Variants in VWA5A observed in about 807,000 individuals in gnomAD.
The protein encoded by VWA5A is von Willebrand factor A domain-containing protein 5A.
VWA5A carries 77 observed loss-of-function variants against 84.6 expected under a neutral mutation model. That is an observed-to-expected ratio of 0.91 (90% CI 0.76 to 1.10). The LOEUF is 1.10. Ranked by LOEUF, VWA5A falls within the 50% of genes least tolerant of loss-of-function variation. VWA5A has a pLI of 0.00. For missense variants in VWA5A, 973 were observed against 963.0 expected, an observed-to-expected ratio of 1.01 and a Z score of -0.14; for synonymous variants, 334 against 350.1, an observed-to-expected ratio of 0.95 and a Z score of 0.51.
intron 10 of VWA5A, 144 bp from the exon 11 acceptor site, chr11:124,124,093 C>T (rs1233678423): frequency 8.9e-6 from 8 of 895,546 alleles, no homozygotes; most frequent in African/African-American, 1.7e-5. Flanking sequence ...GTGGTGCCAG[C>T]GACTGAAACA....
intron 10 of VWA5A, 120 bp downstream of exon 10, chr11:124,123,924 ATAGTAAACAG>A (rs1428485727): frequency 1.5e-6 from 2 of 1,338,706 alleles, no homozygotes; most frequent in Non-Finnish European, 2.0e-6. Flanking sequence ...CTTCTATCAT[ATAGTAAACAG>A]AAAAAAAAAA....
At chr11:124,137,299 T>C (rs1307684478) in intron 15 of VWA5A, 31 bp downstream of exon 15, 3 of 1,600,646 alleles carry the variant, frequency 1.9e-6, no homozygotes, top group Non-Finnish European at 8.5e-7. Flanking sequence ...CAAACTCATA[T>C]AGAATAAAAG....
Position 124,136,147 on chromosome 11 carries a change from C to T in VWA5A, c.1378C>T (p.Arg460Cys), listed in dbSNP as rs1865178478. ...ACATTAGGCTCTCAGGACTCTGAAA[C>T]GCTCTCTGCAGCCTGTGGTAGAGGA... ...MQSKALRTLKRSLQPVVEDVS... is the reference protein window; with the variant it reads ...MQSKALRTLKCSLQPVVEDVS... The change falls in exon 13 of 19, where the codon CGC becomes TGC. Residue 460 changes from arginine to cysteine, a missense_variant. By Grantham distance (180) the Arg-to-Cys change is radical. Coordinates refer to ENST00000456829, the MANE Select transcript of VWA5A (RefSeq NM_001130142.2). The T allele has an allele frequency of 1.9e-6, 3 of 1,614,110 alleles. No homozygotes were observed. Among genetic ancestry groups the T allele is most frequent in the East Asian group, 2.2e-5 (1 of 44,880 alleles).
At chr11:124,126,777 A>G (rs1268520910) in intron 11 of VWA5A, among the ~76,000 whole-genome samples, 1 of 152,024 alleles carries the variant, frequency 6.6e-6, no homozygotes, top group Non-Finnish European at 1.5e-5. Flanking sequence ...AAAAAGAACA[A>G]TGGACACCAT....
chr11:124,135,693 G>T, intron 12 of VWA5A, among the ~76,000 whole-genome samples: 1 of 149,724 alleles, frequency 6.7e-6, no homozygotes, highest in South Asian at 2.2e-4. Flanking sequence ...ACTACGCCCG[G>T]CTAATTTTTT....
At chr11:124,143,854 C>G (rs1396554520) in intron 17 of VWA5A, among the ~76,000 whole-genome samples, 1 of 151,882 alleles carries the variant, frequency 6.6e-6, no homozygotes, top group Non-Finnish European at 1.5e-5. Flanking sequence ...GAATGGTAAC[C>G]AGGCCAATGA....
chr11:124,124,106 A>AG (rs1864979738), intron 10 of VWA5A, 131 bp from the exon 11 acceptor site: 1 of 960,430 alleles, frequency 1.0e-6, no homozygotes, highest in Non-Finnish European at 1.6e-6. Context: ...CTGAAACATT[A>AG]GGGATTTCAT....
Position 124,123,804 on chromosome 11 carries a change from G to A in VWA5A, c.1164G>A (p.Gln388=). 1 of 1,561,616 alleles carries A rather than the reference G, an allele frequency of 6.4e-7. No individual in the cohort carries two copies. The highest frequency in any genetic ancestry group is 8.6e-7 in the Non-Finnish European group (1 of 1,160,010). The change falls in exon 10 of 19, where the codon CAG becomes CAA. Residue 388 remains glutamine (Q), a splice_region_variant and synonymous_variant. Transcript: ENST00000456829. The stretch of plus-strand genomic sequence containing the variant: ...CCTCCATCCCAGGCCACCCCCTACA[G>A]GTAAGAAGTGGAACAGAGCTAACAG... ...RGPSIPGHPL[Q]LFVFTDGEVT...
At chr11:124,125,529 C>T (rs1448320833) in intron 11 of VWA5A, among the ~76,000 whole-genome samples, 1 of 152,096 alleles carries the variant, frequency 6.6e-6, no homozygotes, top group Admixed American at 6.5e-5. Flanking sequence ...TTGATCTGCC[C>T]GCCTTGGCCT....
rs1231179128 is a variant in VWA5A at position 124,118,396 on chromosome 11, A to G, written c.454A>G (p.Arg152Gly). 6.2e-7 allele frequency: 1 copy of G among 1,614,082 alleles called. No homozygotes were observed. Among genetic ancestry groups the G allele is most frequent in the Admixed American group, 1.7e-5 (1 of 60,012 alleles). ...TGTGCTCCCAGCTGTCCTGAATCCT[A>G]GATACCAGTTCTCTGGTGAGTACCT... is the stretch of plus-strand genomic sequence containing the variant. The part of the protein sequence containing the change: ...RFVLPAVLNP[R>G]YQFSGSSKDS... Residue 152 changes from arginine (R) to glycine (G), a missense_variant, in exon 5 of 19, where the codon AGA becomes GGA. Physicochemically the swap from Arg to Gly is moderately radical, Grantham distance 125. Transcript: ENST00000456829.
intron 15 of VWA5A, among the ~76,000 whole-genome samples, chr11:124,139,903 T>A (rs539408426): frequency 2.6e-5 from 4 of 152,332 alleles, no homozygotes; most frequent in African/African-American, 9.6e-5. Context: ...GCTTTCAACT[T>A]TTCCCTCTTC....
chr11:124,124,462 C>G, intron 11 of VWA5A, 146 bp downstream of exon 11: 1 of 1,388,682 alleles, frequency 7.2e-7, no homozygotes, highest in Non-Finnish European at 9.3e-7. Context: ...TTATTTCTCC[C>G]TGTAAACGTT....
intron 11 of VWA5A, among the ~76,000 whole-genome samples, chr11:124,128,706 TA>T (rs1865054694): frequency 6.6e-6 from 1 of 152,228 alleles, no homozygotes; most frequent in Non-Finnish European, 1.5e-5. Context: ...ACATCCGTTG[TA>T]AGTTGTATTC....
intron 15 of VWA5A, among the ~76,000 whole-genome samples, chr11:124,141,010 G>A (rs1289820142): frequency 6.6e-6 from 1 of 152,182 alleles, no homozygotes; most frequent in African/African-American, 2.4e-5. Flanking sequence ...AAGAAGCTTT[G>A]CATTAGGGTA....
intron 11 of VWA5A, among the ~76,000 whole-genome samples, chr11:124,133,788 C>T (rs78122983): frequency 0.027 from 4,125 of 152,268 alleles, 200 homozygotes; most frequent in African/African-American, 0.095. Context: ...GTATTAGGAA[C>T]TGTGCTAGAT....
chr11:124,124,419 T>C, intron 11 of VWA5A, 103 bp downstream of exon 11: 1 of 1,454,246 alleles, frequency 6.9e-7, no homozygotes, highest in Middle Eastern at 1.8e-4. Context: ...GAGGACCAAA[T>C]GATTTCAGAA....
intron 12 of VWA5A, 59 bp from the exon 13 acceptor site, chr11:124,136,070 A>G (rs2137655873): frequency 6.4e-7 from 1 of 1,564,982 alleles, no homozygotes; most frequent in East Asian, 2.3e-5. Context: ...ATGTCCAGTT[A>G]ATTGTAGCTG....
rs745655474 is a variant in VWA5A at position 124,145,889 on chromosome 11, A to G, written c.2305A>G (p.Lys769Glu). The G allele has an allele frequency of 4.4e-6, 7 of 1,586,528 alleles. No homozygotes were observed. In the East Asian group the frequency reaches 1.4e-4, roughly 31 times the overall value. The change falls in exon 19 of 19, where the codon AAA becomes GAA. Residue 769 changes from lysine to glutamate, a missense_variant. Lys to Glu is a moderately conservative substitution (Grantham distance 56). Transcript: ENST00000456829. Reference protein sequence around the residue: ...HAGSTMPSVVKAAITFLKSSV... With the variant: ...HAGSTMPSVVEAAITFLKSSV... Reference sequence around the variant, plus strand: ...AGGCTCCACCATGCCTTCGGTTGTGAAAGCTGCTATTACTTTCCTGAAGTC... The same window carrying G: ...AGGCTCCACCATGCCTTCGGTTGTGGAAGCTGCTATTACTTTCCTGAAGTC...
intron 11 of VWA5A, among the ~76,000 whole-genome samples, chr11:124,125,270 G>A (rs894166077): frequency 1.5e-4 from 23 of 149,842 alleles, no homozygotes; most frequent in Admixed American, 1.1e-3. Context: ...TGTGTGTGTC[G>A]TGGTGTCTTA....
Sources: gnomAD v4.1 joint callset for allele counts (sites outside exome capture counted in the v4.1 genomes callset) on GRCh38, gnomAD v4.1.1 for gene constraint, MANE v1.5 for transcripts, NCBI Gene and HGNC (gene_info 2026-07-23, HGNC 2026-07-21) for gene names.